ERICH1: variants seen among roughly 807,000 people sequenced by gnomAD.
The protein encoded by ERICH1 is glutamate-rich protein 1.
ERICH1 carries 56 observed loss-of-function variants against 39.6 expected under a neutral mutation model. That is an observed-to-expected ratio of 1.41 (90% confidence interval 1.14 to 1.77). The LOEUF is 1.77. Among genes scored for constraint, ERICH1 ranks in the 40% most tolerant of loss-of-function variants. The pLI is 0.00. For missense variants in ERICH1, 826 were observed against 575.4 expected (o/e 1.44, Z -4.45); for synonymous variants, 313 against 223.6 (o/e 1.40, Z -3.57).
intron 3 of ERICH1, among the ~76,000 whole-genome samples, chr8:621,747 A>T (rs565879900): frequency 6.6e-6 from 1 of 152,324 alleles, no homozygotes; most frequent in Admixed American, 6.5e-5. Context: ...TTAGAAATGG[A>T]AGGGAGGACA....
chr8:661,000 G>C (rs1418305433), downstream of ERICH1, among the ~76,000 whole-genome samples: 2 of 152,176 alleles, frequency 1.3e-5, no homozygotes, highest in African/African-American at 4.8e-5. Flanking sequence ...CTCGCTCTCA[G>C]CCTTCAGGAT....
chr8:729,385 C>G (rs766974085), intron 1 of ERICH1, among the ~76,000 whole-genome samples: 1 of 152,186 alleles, frequency 6.6e-6, no homozygotes, highest in Non-Finnish European at 1.5e-5. Context: ...CAAGCTCCAT[C>G]CCCTCCTCCT....
intron 3 of ERICH1, among the ~76,000 whole-genome samples, chr8:651,702 G>C (rs933669134): frequency 7.1e-6 from 1 of 140,594 alleles, no homozygotes; most frequent in Non-Finnish European, 1.6e-5. Context: ...AGGGGAGAGA[G>C]AGGCTGAGAC....
At chr8:634,601 G>A (rs1703930) in intron 3 of ERICH1, among the ~76,000 whole-genome samples, 73,465 of 151,716 alleles carry the variant, frequency 0.48, 17,988 homozygotes, top group African/African-American at 0.57. Flanking sequence ...AGTGCCATGC[G>A]TGCAGTAGGT....
intron 3 of ERICH1, among the ~76,000 whole-genome samples, chr8:641,734 G>A (rs555349792): frequency 3.4e-4 from 51 of 152,192 alleles, no homozygotes; most frequent in Middle Eastern, 3.4e-3. Flanking sequence ...CCTCCCCGCC[G>A]ATTCCTCTCC....
At position 673,374 on chromosome 8, in the gene ERICH1, G is replaced by A. The variant is rs566545057; in HGVS notation, c.978C>T (p.Ser326=). The A allele has an allele frequency of 1.5e-5, 24 of 1,613,318 alleles. No homozygotes were observed. Among genetic ancestry groups the A allele is most frequent in the Admixed American group, 5.0e-5 (3 of 60,008 alleles). Residue 326 remains serine (S), a synonymous_variant, in exon 4 of 6, where the codon AGC becomes AGT. Coordinates refer to ENST00000262109, the MANE Select transcript of ERICH1 (RefSeq NM_207332.3). The part of the protein sequence containing the change: ...DSGEEDGADA[S]EEDDTITNEK... ...CATTGGTAATTGTATCATCTTCCTC[G>A]CTGGCGTCTGCACCGTCCTCCTCCC...
intron 3 of ERICH1, among the ~76,000 whole-genome samples, chr8:628,957 G>A (rs1167077068): frequency 5.3e-5 from 8 of 152,098 alleles, no homozygotes; most frequent in African/African-American, 1.9e-4. Context: ...TAAAGGAGGT[G>A]GGAGGGAGGG....
At chr8:622,136 T>A (rs1358992930) in intron 3 of ERICH1, among the ~76,000 whole-genome samples, 1 of 152,184 alleles carries the variant, frequency 6.6e-6, no homozygotes, top group Non-Finnish European at 1.5e-5. Context: ...GCAGGAGGAC[T>A]ATTTGATCCC....
intron 3 of ERICH1, among the ~76,000 whole-genome samples, chr8:638,214 T>G (rs750410230): frequency 6.6e-6 from 1 of 152,208 alleles, no homozygotes; most frequent in Non-Finnish European, 1.5e-5. Flanking sequence ...TTCTTATCTT[T>G]TACTTACATC....
intron 3 of ERICH1, among the ~76,000 whole-genome samples, chr8:688,275 G>GCCCCGGCCCC (rs1807995682): frequency 9.3e-5 from 3 of 32,204 alleles, no homozygotes; most frequent in Admixed American, 4.1e-4. Flanking sequence ...AGTTCCGCCC[G>GCCCCGGCCCC]TCCCCGCCCC....
At chr8:704,818 G>A (rs551323149) in intron 2 of ERICH1, among the ~76,000 whole-genome samples, 28 of 152,272 alleles carry the variant, frequency 1.8e-4, no homozygotes, top group Admixed American at 1.0e-3. Flanking sequence ...ACTCTGAAAG[G>A]GGGGGTGGTT....
At chr8:616,074 AGCAATGT>A (rs947053782) in intron 3 of ERICH1, 37 of 161,876 alleles carry the variant, frequency 2.3e-4, no homozygotes, top group African/African-American at 8.9e-4. Context: ...CGCCATGCCC[AGCAATGT>A]GCAAGAGAAG....
At chr8:662,981 AC>A (rs1388525212), downstream of ERICH1, among the ~76,000 whole-genome samples, 1 of 152,178 alleles carries the variant, frequency 6.6e-6, no homozygotes, top group African/African-American at 2.4e-5. Flanking sequence ...TCCTGGGAAC[AC>A]CCTGTCTGGA....
At chr8:679,675 A>G (rs1805676940) in intron 3 of ERICH1, among the ~76,000 whole-genome samples, 1 of 152,242 alleles carries the variant, frequency 6.6e-6, no homozygotes. Flanking sequence ...CCGGATACCT[A>G]CAAGAACCCA....
chr8:625,869 T>G (rs1797573598), intron 3 of ERICH1: 3 of 152,362 alleles, frequency 2.0e-5, no homozygotes, highest in Non-Finnish European at 2.9e-5. Context: ...TGGGCTAAGA[T>G]GATGTGATTC....
chr8:716,035 G>C (rs1351873282), intron 1 of ERICH1, 28 bp from the exon 2 acceptor site: 2 of 1,569,680 alleles, frequency 1.3e-6, no homozygotes, highest in Admixed American at 4.0e-5. Context: ...TAAAAGAAAA[G>C]GAGGAAAAGG....
intron 3 of ERICH1, among the ~76,000 whole-genome samples, chr8:639,631 C>G (rs994216932): frequency 2.7e-5 from 4 of 149,412 alleles, no homozygotes; most frequent in African/African-American, 9.9e-5. Flanking sequence ...ATCCAGTTAG[C>G]AGACACGACC....
Position 702,916 on chromosome 8 carries a change from C to G in ERICH1, c.170-10304G>C, listed in dbSNP as rs896775233. Among the ~76,000 whole-genome samples, 3 of 152,360 alleles carry G rather than the reference C, an allele frequency of 2.0e-5. No homozygotes were observed. In the South Asian group the frequency reaches 6.2e-4, roughly 32 times the overall value. ...GTAGCAGTGGGTGTCCTACCCAGGA[C>G]AGGTACCCCGCACGCCTGGGGTTAG... On this transcript the variant is annotated intron_variant, in intron 2 of 5. Coordinates refer to ENST00000262109, the MANE Select transcript of ERICH1 (RefSeq NM_207332.3).
At chr8:668,824 GTTTTGT>G (rs760106102) in intron 4 of ERICH1, 32 bp from the exon 5 acceptor site, 1 of 1,552,642 alleles carries the variant, frequency 6.4e-7, no homozygotes, top group African/African-American at 1.4e-5. Flanking sequence ...TGGAAATACA[GTTTTGT>G]TTTTATTTCT....
Sources: gnomAD v4.1 joint callset for allele counts (sites outside exome capture counted in the v4.1 genomes callset) on GRCh38, gnomAD v4.1.1 for gene constraint, MANE v1.5 for transcripts, NCBI Gene and HGNC (gene_info 2026-07-23, HGNC 2026-07-21) for gene names.